The following CNTN5 variants were observed in gnomAD, a reference collection of about 807,000 sequenced individuals.
The protein encoded by CNTN5 is contactin 5, also known as contactin-5.
In CNTN5, 77 loss-of-function variants were observed where a neutral mutation model predicts 129.1. That is an observed-to-expected ratio of 0.60 (90% confidence interval 0.50 to 0.72). The LOEUF is 0.72. CNTN5 is among the 30% of genes least tolerant of loss of function. The pLI is 0.00. For synonymous variants in CNTN5, 509 were observed against 465.6 expected, an observed-to-expected ratio of 1.09 and a Z score of -1.20; for missense variants, 1,478 against 1,328.8, an observed-to-expected ratio of 1.11 and a Z score of -1.75.
rs1249661090 is a variant in CNTN5, at chr11:99,726,135, G to A, written c.56-93409G>A. Among the ~76,000 whole-genome samples, 6 of 152,180 alleles carry A rather than the reference G, an allele frequency of 3.9e-5. No individual in the cohort carries two copies. The East Asian group carries it at 1.2e-3, about 29-fold the overall frequency. On this transcript the variant is annotated intron_variant, in intron 3 of 24. Transcript: ENST00000524871. ...TATCTCCTCTCCCTCTATCTCTGGG[G>A]CCACATCCACCATCACTTATGACTA...
chr11:99,730,155 G>T (rs1943482315), intron 3 of CNTN5, among the ~76,000 whole-genome samples: 1 of 152,248 alleles, frequency 6.6e-6, no homozygotes, highest in Admixed American at 6.5e-5. Context: ...TACTTATATT[G>T]TGAATAACTA....
intron 1 of CNTN5, among the ~76,000 whole-genome samples, chr11:99,175,051 A>G (rs1857706079): frequency 6.6e-6 from 1 of 151,988 alleles, no homozygotes; most frequent in African/African-American, 2.4e-5. Context: ...TTGGCAACAA[A>G]GTAAGACTCT....
chr11:100,064,819 G>A (rs1591166912), intron 10 of CNTN5, among the ~76,000 whole-genome samples: 1 of 152,076 alleles, frequency 6.6e-6, no homozygotes, highest in Non-Finnish European at 1.5e-5. Flanking sequence ...CAAAAGAAAT[G>A]CAGAACAAAG....
intron 6 of CNTN5, among the ~76,000 whole-genome samples, chr11:99,846,436 T>G (rs1947701846): frequency 6.6e-6 from 1 of 151,796 alleles, no homozygotes; most frequent in Admixed American, 6.6e-5. Context: ...GAAATTATTT[T>G]ACTTATAATG....
chr11:99,760,030 C>T (rs1944527827), intron 3 of CNTN5, among the ~76,000 whole-genome samples: 1 of 151,946 alleles, frequency 6.6e-6, no homozygotes, highest in Admixed American at 6.6e-5. Flanking sequence ...ACAGCACATC[C>T]ATTAATCTCT....
chr11:99,340,744 A>C (rs1482731653), intron 2 of CNTN5, among the ~76,000 whole-genome samples: 1 of 152,232 alleles, frequency 6.6e-6, no homozygotes, highest in African/African-American at 2.4e-5. Flanking sequence ...AACAATTACT[A>C]ATAGAAACAA....
Position 100,104,249 on chromosome 11 carries a change from C to T in CNTN5, c.1580+29955C>T, listed in dbSNP as rs140948358. On this transcript the variant is annotated intron_variant, in intron 13 of 24. Transcript: ENST00000524871. ...AGCTGGGATTACAGGTACCCACCAC[C>T]ACTCCCAGCTCATTTTTATATTTTT... Among the ~76,000 whole-genome samples, 412 of 152,122 alleles carry T rather than the reference C, an allele frequency of 2.7e-3. 3 individuals carry two copies. Among genetic ancestry groups the T allele is most frequent in the African/African-American group, 9.5e-3 (396 of 41,508 alleles).
intron 2 of CNTN5, among the ~76,000 whole-genome samples, chr11:99,344,483 TA>T (rs1199845596): frequency 6.6e-6 from 1 of 152,190 alleles, no homozygotes; most frequent in Non-Finnish European, 1.5e-5. Flanking sequence ...TCTATTATGT[TA>T]AAAATAACAA....
chr11:99,108,893 G>A (rs1427697771), intron 1 of CNTN5, among the ~76,000 whole-genome samples: 1 of 151,888 alleles, frequency 6.6e-6, no homozygotes, highest in Non-Finnish European at 1.5e-5. Context: ...TGTTTTGATA[G>A]CAGCACAATG....
intron 1 of CNTN5, among the ~76,000 whole-genome samples, chr11:99,099,111 A>C (rs1866604298): frequency 6.6e-6 from 1 of 152,140 alleles, no homozygotes; most frequent in Admixed American, 6.6e-5. Flanking sequence ...GGAATTGTGG[A>C]TGTCAATTAC....
At chr11:100,141,011 A>G (rs900848658) in intron 13 of CNTN5, among the ~76,000 whole-genome samples, 1 of 152,136 alleles carries the variant, frequency 6.6e-6, no homozygotes, top group Non-Finnish European at 1.5e-5. Flanking sequence ...GCTAACAGGG[A>G]AGTATTGTCG....
intron 3 of CNTN5, among the ~76,000 whole-genome samples, chr11:99,613,217 A>G (rs1399362840): frequency 6.6e-6 from 1 of 152,204 alleles, no homozygotes; most frequent in African/African-American, 2.4e-5. Flanking sequence ...GAAAGAGACC[A>G]GGTGGAGGTA....
chr11:99,123,940 T>A (rs558013203), intron 1 of CNTN5, among the ~76,000 whole-genome samples: 1 of 152,250 alleles, frequency 6.6e-6, no homozygotes, highest in South Asian at 2.1e-4. Context: ...CTGTTTTGAT[T>A]ACCATAGCCT....
intron 3 of CNTN5, among the ~76,000 whole-genome samples, chr11:99,795,810 T>G (rs112393171): frequency 2.6e-5 from 4 of 152,130 alleles, no homozygotes; most frequent in Non-Finnish European, 1.5e-5. Flanking sequence ...AGAGCAGTTA[T>G]GAGGTCACTG....
At chr11:100,295,864 A>G (rs1951089753) in intron 18 of CNTN5, among the ~76,000 whole-genome samples, 1 of 151,502 alleles carries the variant, frequency 6.6e-6, no homozygotes, top group Non-Finnish European at 1.5e-5. Context: ...TACATTACCC[A>G]TAATGTTATT....
At chr11:100,068,666 A>G (rs2137851272) in intron 10 of CNTN5, among the ~76,000 whole-genome samples, 1 of 152,320 alleles carries the variant, frequency 6.6e-6, no homozygotes, top group African/African-American at 2.4e-5. Context: ...ATGATTTCCG[A>G]AGGCAGGTAC....
At chr11:99,925,844 T>C (rs10791059) in intron 7 of CNTN5, among the ~76,000 whole-genome samples, 139,408 of 152,076 alleles carry the variant, frequency 0.92, 63,944 homozygotes, top group East Asian at 1. Context: ...CCAGAGAATA[T>C]AAGAGGTAGT....
chr11:100,187,041 T>A (rs921337859), intron 13 of CNTN5, among the ~76,000 whole-genome samples: 2 of 152,156 alleles, frequency 1.3e-5, no homozygotes. Flanking sequence ...GAATTTTTTT[T>A]CCATTTGTGT....
chr11:100,023,949 T>C (rs890130601), intron 9 of CNTN5, among the ~76,000 whole-genome samples: 1 of 152,220 alleles, frequency 6.6e-6, no homozygotes, highest in South Asian at 2.1e-4. Flanking sequence ...TTGGTACTTA[T>C]GAATAAAGCT....
Sources: gnomAD v4.1 joint callset for allele counts (sites outside exome capture counted in the v4.1 genomes callset) on GRCh38, gnomAD v4.1.1 for gene constraint, MANE v1.5 for transcripts, NCBI Gene and HGNC (gene_info 2026-07-23, HGNC 2026-07-21) for gene names.